The following DIS3 variants were observed in gnomAD, a reference collection of about 807,000 sequenced individuals.
DIS3 encodes the protein DIS3 exosome endoribonuclease and 3'-5' exoribonuclease, also known as exosome complex exonuclease RRP44.
A neutral mutation model predicts 113.0 loss-of-function variants in DIS3; 103 were observed. The ratio of observed to expected loss-of-function variants is 0.91; its 90% confidence interval spans 0.78 to 1.07. DIS3 has a LOEUF of 1.07. Among genes scored for constraint, DIS3 ranks in the 50% least tolerant of loss-of-function variants. The probability of loss-of-function intolerance (pLI) is 0.00; values close to 1 mark genes in which losing one functional copy is unlikely to be tolerated. For missense variants in DIS3, 1,121 were observed against 1,167.1 expected, an observed-to-expected ratio of 0.96 and a Z score of 0.58; for synonymous variants, 402 against 394.3, an observed-to-expected ratio of 1.02 and a Z score of -0.23.
intron 10 of DIS3, 49 bp from the exon 11 acceptor site, chr13:72,771,945 T>C: frequency 6.4e-7 from 1 of 1,565,490 alleles, no homozygotes; most frequent in Non-Finnish European, 8.7e-7. Context: ...ACTGGGTAAA[T>C]GTACCTAATG....
At chr13:72,781,280 G>T in intron 1 of DIS3, 1 of 1,551,174 alleles carries the variant, frequency 6.4e-7, no homozygotes, top group Non-Finnish European at 8.7e-7. Flanking sequence ...TTTGTTCCTA[G>T]GCACTTACAA....
At position 72,780,901 on chromosome 13, in the gene DIS3, C is replaced by T. The variant is rs778382804; in HGVS notation, c.331G>A (p.Asp111Asn). Residue 111 changes from aspartate to asparagine, a missense_variant, in exon 2 of 21, where the codon GAT becomes AAT. Around this residue, in one of 3 missense-constraint regions of DIS3, gnomAD observed 254 missense variants for 232.2 expected, o/e 1.09. Coordinates refer to ENST00000377767, the MANE Select transcript of DIS3 (RefSeq NM_014953.5). ...RSAPVYKRIR[D>N]VTNNQEKHFY... The stretch of plus-strand genomic sequence containing the variant: ...TGCTTCTCTTGGTTATTAGTCACAT[C>T]TCGGATGCGTTTATATACGGGGGCA... 1.9e-6 allele frequency: 3 copies of T among 1,612,952 alleles called. No homozygotes were observed. Among genetic ancestry groups the T allele is most frequent in the Admixed American group, 1.7e-5 (1 of 59,812 alleles).
chr13:72,781,726 C>G lies in DIS3; in HGVS notation c.107G>C (p.Cys36Ser), dbSNP rs780778744. The change falls in exon 1 of 21, where the codon TGC becomes TCC. Residue 36 changes from cysteine (C) to serine (S), a missense_variant. By Grantham distance (112) the Cys-to-Ser change is moderately radical. Around this residue, in one of 3 missense-constraint regions of DIS3, gnomAD observed 254 missense variants for 232.2 expected, o/e 1.09. Transcript: ENST00000377767. ...CTCGTGCGCCCCTCCACACGCTGCG[C>G]ACCCGGGCGCACCGCAGCCGATGTC... ...RDDIGCGAPG[C>S]AACGGAHEGP... 3.5e-5 allele frequency: 56 copies of G among 1,581,574 alleles called. No homozygotes were observed. The highest frequency in any genetic ancestry group is 4.6e-5 in the Non-Finnish European group (54 of 1,165,006).
rs1304924996 is a variant in DIS3 at position 72,781,795 on chromosome 13, G to A, written c.38C>T (p.Ala13Val). 3.1e-6 allele frequency: 5 copies of A among 1,604,234 alleles called. No homozygotes were observed. The highest frequency in any genetic ancestry group is 4.3e-6 in the Non-Finnish European group (5 of 1,175,164). The change falls in exon 1 of 21, where the codon GCG becomes GTG. Residue 13 changes from alanine (A) to valine (V), a missense_variant. Transcript: ENST00000377767. Reference sequence around the variant, plus strand: ...GCGCACGATCTTCATCACGCCGCCCGCCCGGGTCTTTTTTAAGAACGTCTT... The same window carrying A: ...GCGCACGATCTTCATCACGCCGCCCACCCGGGTCTTTTTTAAGAACGTCTT... ...KSKTFLKKTRAGGVMKIVREH... is the reference protein window; with the variant it reads ...KSKTFLKKTRVGGVMKIVREH...
At chr13:72,780,325 C>CAAAAAAAAAAAAAAAAA (rs397851597) in intron 2 of DIS3, among the ~76,000 whole-genome samples, 2 of 55,384 alleles carry the variant, frequency 3.6e-5, no homozygotes, top group Non-Finnish European at 6.1e-5. Context: ...GACTCCATCT[C>CAAAAAAAAAAAAAAAAA]AAAAAAAAAA....
chr13:72,761,481 T>A lies in DIS3; in HGVS notation c.2552A>T (p.Tyr851Phe). Residue 851 changes from tyrosine to phenylalanine, a missense_variant, in exon 19 of 21, where the codon TAT becomes TTT. Tyr to Phe is a conservative substitution (Grantham distance 22). Coordinates refer to ENST00000377767, the MANE Select transcript of DIS3 (RefSeq NM_014953.5). Reference sequence around the variant, plus strand: ...GGCATTCTTTCTTACAAATAAAATATAGGCTTCTTCACTTACTATTCCTTT... The same window carrying A: ...GGCATTCTTTCTTACAAATAAAATAAAGGCTTCTTCACTTACTATTCCTTT... ...KSKGIVSEEA[Y>F]ILFVRKNAIV... The A allele has an allele frequency of 6.2e-7, 1 of 1,608,340 alleles. No homozygotes were observed. The highest frequency in any genetic ancestry group is 1.3e-5 in the African/African-American group (1 of 74,738).
At chr13:72,779,767 T>G (rs1292946587) in intron 2 of DIS3, among the ~76,000 whole-genome samples, 6 of 90,962 alleles carry the variant, frequency 6.6e-5, no homozygotes, top group Admixed American at 1.4e-4. Context: ...GTGGTGGTGG[T>G]GGTGGGGGGG....
Position 72,761,956 on chromosome 13 carries a change from G to A in DIS3, c.2309C>T (p.Pro770Leu), listed in dbSNP as rs1272428988. 4 of 1,614,136 alleles carry A rather than the reference G, an allele frequency of 2.5e-6. No individual in the cohort carries two copies. The highest frequency in any genetic ancestry group is 2.2e-5 in the East Asian group (1 of 44,868). The change falls in exon 17 of 21, where the codon CCA (proline) becomes CTA (leucine). Residue 770 changes from proline to leucine, a missense_variant. Transcript: ENST00000377767. ...GGGTGAAGTAAAATGTGTGTATATT[G>A]GAGACGCTAAGCCATAGTGATGAAA... Reference protein sequence around the residue: ...NDFHHYGLASPIYTHFTSPIR... With the variant: ...NDFHHYGLASLIYTHFTSPIR...
chr13:72,766,253 T>A (rs1469437914), intron 14 of DIS3, among the ~76,000 whole-genome samples, 195 bp from the exon 15 acceptor site: 1 of 152,194 alleles, frequency 6.6e-6, no homozygotes, highest in Non-Finnish European at 1.5e-5. Context: ...AACAGCTCAG[T>A]AGATTTAAAA....
At position 72,761,998 on chromosome 13, in the gene DIS3, G is replaced by A. The variant is rs1489870875; in HGVS notation, c.2267C>T (p.Ser756Phe). Residue 756 changes from serine to phenylalanine, a missense_variant, in exon 17 of 21, where the codon TCT becomes TTT. By Grantham distance (155) the Ser-to-Phe change is radical. Transcript: ENST00000377767. The stretch of plus-strand genomic sequence containing the variant: ...GTGATGAAAATCATTATCCATTCCA[G>A]AACAGAAGTACACAGCTTGCATCAT... Reference protein sequence around the residue: ...RCMMQAVYFCSGMDNDFHHYG... With the variant: ...RCMMQAVYFCFGMDNDFHHYG... 2.5e-6 allele frequency: 4 copies of A among 1,614,106 alleles called. No individual in the cohort carries two copies. The highest frequency in any genetic ancestry group is 3.4e-6 in the Non-Finnish European group (4 of 1,180,018).
chr13:72,774,018 A>G lies in DIS3; in HGVS notation c.1029T>C (p.Gly343=). ...TCCTTTTTATTATTCCTACAACTCTACCTGTAGGCTTCAACATTTTCTCGC... is the reference window on the plus strand; with the variant it reads ...TCCTTTTTATTATTCCTACAACTCTGCCTGTAGGCTTCAACATTTTCTCGC... ...AVSEKMLKPT[G]RVVGIIKRNW... Residue 343 remains glycine (G), a synonymous_variant, in exon 7 of 21, where the codon GGT becomes GGC. Transcript: ENST00000377767. 6.2e-7 allele frequency: 1 copy of G among 1,610,096 alleles called. No individual in the cohort carries two copies. Among genetic ancestry groups the G allele is most frequent in the Non-Finnish European group, 8.5e-7 (1 of 1,179,154 alleles).
Position 72,753,402 on chromosome 13 carries a change from G to T in DIS3, c.*6393C>A. 4.3e-6 allele frequency: 1 copy of T among 231,882 alleles called. No homozygotes were observed. The highest frequency in any genetic ancestry group is 8.3e-6 in the Non-Finnish European group (1 of 119,778). The allele number at this position is 231,882 out of a possible 1,614,324, so 14.4% of individuals were successfully genotyped here. A position where few individuals can be genotyped will look rare whatever the true frequency, so the allele number is the denominator to read the frequency against. ...ATACTCATTTTTGTCTACTAGGTAC[G>T]ATCACAAAATAACAGGAAAGCATTG... On this transcript the variant is annotated 3_prime_UTR_variant, in exon 21 of 21. Transcript: ENST00000377767.
chr13:72,758,702 T>C lies in DIS3; in HGVS notation c.*1093A>G. 4.7e-6 allele frequency: 1 copy of C among 213,482 alleles called. No individual in the cohort carries two copies. Among genetic ancestry groups the C allele is most frequent in the Admixed American group, 5.8e-5 (1 of 17,132 alleles). 13.2% of individuals were successfully genotyped at this position (213,482 alleles called of 1,614,324 possible). ...GAAAAATTAGTCAACATTTATTGAG[T>C]GCCTAAATGACTACCTATTTAGTAT... is the stretch of plus-strand genomic sequence containing the variant. On this transcript the variant is annotated 3_prime_UTR_variant, in exon 21 of 21. Transcript: ENST00000377767.
chr13:72,777,613 A>AGTCT (rs2034048118), intron 3 of DIS3, 120 bp from the exon 4 acceptor site: 1 of 820,310 alleles, frequency 1.2e-6, no homozygotes, highest in Non-Finnish European at 2.0e-6. Context: ...ACACACTGAG[A>AGTCT]GTCTCACTCT....
intron 1 of DIS3, 188 bp from the exon 2 acceptor site, chr13:72,781,191 AG>A: frequency 1.4e-6 from 2 of 1,467,584 alleles, no homozygotes; most frequent in Non-Finnish European, 1.9e-6. Flanking sequence ...TATTAAAAAA[AG>A]CACACTTAAA....
rs748795812 is a variant in DIS3, at chr13:72,761,408, A to C, written c.2625T>G (p.Phe875Leu). ...PKYGLEGTVF[F>L]EEKDKPNPQL... ...GTGGGTTTGGTTTGTCCTTTTCTTC[A>C]AAAAAGACTGTCCCTTCTAAACCAT... Residue 875 changes from phenylalanine to leucine, a missense_variant, in exon 19 of 21, where the codon TTT becomes TTG. Around this residue, in one of 3 missense-constraint regions of DIS3, gnomAD observed 861 missense variants for 915.5 expected, o/e 0.94. Transcript: ENST00000377767. 1 of 1,609,064 alleles carries C rather than the reference A, an allele frequency of 6.2e-7. No homozygotes were observed. The highest frequency in any genetic ancestry group is 1.1e-5 in the South Asian group (1 of 89,788).
In DIS3 at chr13:72,776,011, A is replaced by G. The variant is rs974813049; in HGVS notation, c.736T>C (p.Tyr246His). The change falls in exon 5 of 21, where the codon TAC (tyrosine) becomes CAC (histidine). Residue 246 changes from tyrosine to histidine, a missense_variant. By Grantham distance (83) the Tyr-to-His change is moderately conservative (BLOSUM62 2). This residue lies in a region of DIS3 where 861 missense variants were observed against 915.5 expected (regional missense o/e 0.94). Transcript: ENST00000377767. ...KLQQGIKSGT[Y>H]LQGTFRASRE... is the part of the protein sequence containing the mutation. ...CTAGCTCTAAATGTTCCTTGAAGGT[A>G]TGTACCAGATTTTATGCCTTGCTGT... The G allele has an allele frequency of 6.8e-6, 11 of 1,611,784 alleles. No homozygotes were observed. The Admixed American group carries it at 1.5e-4, about 22-fold the overall frequency.
At chr13:72,768,762 A>G (rs2033813760) in intron 14 of DIS3, 23 bp downstream of exon 14, 2 of 1,546,456 alleles carry the variant, frequency 1.3e-6, no homozygotes, top group Non-Finnish European at 8.8e-7. Context: ...AATTATCTTA[A>G]TACTATGAAA....
chr13:72,757,893 TG>T lies in DIS3; in HGVS notation c.*1901del. On this transcript the variant is annotated 3_prime_UTR_variant, in exon 21 of 21. Coordinates refer to ENST00000377767, the MANE Select transcript of DIS3 (RefSeq NM_014953.5). ...ATGGAGCTGAAAAATTCCTATTGCC[TG>T]GGGACACAGCCATGGTAACATCATA... 4.9e-6 allele frequency: 1 copy of T among 204,394 alleles called. No homozygotes were observed. Among genetic ancestry groups the T allele is most frequent in the East Asian group, 7.4e-5 (1 of 13,486 alleles). 12.7% of individuals were successfully genotyped at this position (204,394 alleles called of 1,614,324 possible). A position where few individuals can be genotyped will look rare whatever the true frequency, so the allele number is the denominator to read the frequency against.
Sources: gnomAD v4.1 joint callset for allele counts (sites outside exome capture counted in the v4.1 genomes callset) on GRCh38, gnomAD v4.1.1 for gene constraint, gnomAD v4.1.1 regional missense constraint, MANE v1.5 for transcripts, NCBI Gene and HGNC (gene_info 2026-07-23, HGNC 2026-07-21) for gene names.